CSMD1: variants seen among roughly 807,000 people sequenced by gnomAD.
The protein encoded by CSMD1 is CUB and sushi domain-containing protein 1.
CSMD1 carries 213 observed loss-of-function variants against 417.5 expected under a neutral mutation model. That is an observed-to-expected ratio of 0.51 (90% CI 0.46 to 0.57). The LOEUF (loss-of-function observed/expected upper bound fraction) is 0.57, where lower values mean the gene tolerates loss of function less well. Ranked by LOEUF, CSMD1 falls within the 20% of genes least tolerant of loss-of-function variation. CSMD1 has a pLI of 0.00. For missense variants in CSMD1, 6,923 were observed against 4,529.7 expected (o/e 1.53, Z -15.17); for synonymous variants, 2,862 against 1,736.8 (o/e 1.65, Z -16.11).
chr8:4,582,959 A>G (rs991524639), intron 2 of CSMD1, among the ~76,000 whole-genome samples: 2 of 152,198 alleles, frequency 1.3e-5, no homozygotes, highest in South Asian at 4.1e-4. Flanking sequence ...GCAATGAGGG[A>G]CATAGCACCC....
intron 2 of CSMD1, among the ~76,000 whole-genome samples, chr8:4,623,579 G>T (rs1801903076): frequency 6.6e-6 from 1 of 151,836 alleles, no homozygotes; most frequent in South Asian, 2.1e-4. Flanking sequence ...GGGTGAGGGG[G>T]GAACAAATGT....
intron 3 of CSMD1, among the ~76,000 whole-genome samples, chr8:4,252,829 A>G (rs1300397413): frequency 6.6e-6 from 1 of 152,200 alleles, no homozygotes; most frequent in Non-Finnish European, 1.5e-5. Flanking sequence ...TGCACCAGTG[A>G]TGACTGGAGT....
chr8:4,289,053 A>G (rs938769700), intron 3 of CSMD1, among the ~76,000 whole-genome samples: 1 of 152,186 alleles, frequency 6.6e-6, no homozygotes, highest in Non-Finnish European at 1.5e-5. Context: ...GAGCATAAAA[A>G]CAGTGCACAT....
intron 3 of CSMD1, among the ~76,000 whole-genome samples, chr8:4,299,410 G>C (rs112827538): frequency 9.7e-4 from 148 of 152,212 alleles, no homozygotes; most frequent in African/African-American, 3.4e-3. Flanking sequence ...ACATGAGAGA[G>C]GTGATTTTCA....
chr8:3,059,251 T>TA (rs1812431643), intron 49 of CSMD1, among the ~76,000 whole-genome samples: 1 of 98,892 alleles, frequency 1.0e-5, no homozygotes, highest in African/African-American at 3.6e-5. Context: ...ACCCCAGACA[T>TA]CAAAAAAAAA....
chr8:3,122,864 G>T (rs1817287340), intron 41 of CSMD1, among the ~76,000 whole-genome samples: 1 of 152,112 alleles, frequency 6.6e-6, no homozygotes, highest in African/African-American at 2.4e-5. Flanking sequence ...CCACCATACA[G>T]TAGCTACATT....
chr8:4,230,562 G>T (rs564566547), intron 3 of CSMD1, among the ~76,000 whole-genome samples: 1 of 152,170 alleles, frequency 6.6e-6, no homozygotes, highest in South Asian at 2.1e-4. Context: ...GGACAATAAA[G>T]TCCAATCATA....
intron 5 of CSMD1, among the ~76,000 whole-genome samples, chr8:3,874,243 G>A (rs922571703): frequency 6.6e-6 from 1 of 152,158 alleles, no homozygotes; most frequent in Admixed American, 6.5e-5. Context: ...AGGATGAAGA[G>A]CATGTTTATT....
At chr8:3,142,346 C>G in intron 41 of CSMD1, 119 bp downstream of exon 41, 1 of 909,504 alleles carries the variant, frequency 1.1e-6, no homozygotes, top group South Asian at 1.7e-5. Flanking sequence ...AACATTCCAC[C>G]AAAAAATTAT....
At chr8:4,062,769 A>G (rs908693640) in intron 3 of CSMD1, among the ~76,000 whole-genome samples, 4 of 152,092 alleles carry the variant, frequency 2.6e-5, no homozygotes, top group African/African-American at 7.2e-5. Flanking sequence ...CATGCTCAGT[A>G]AAATCTGATT....
At chr8:4,162,898 C>G (rs1267531360) in intron 3 of CSMD1, among the ~76,000 whole-genome samples, 5 of 152,118 alleles carry the variant, frequency 3.3e-5, no homozygotes, top group African/African-American at 4.8e-5. Context: ...TGTTGATTTC[C>G]CCTTCCTCCA....
intron 2 of CSMD1, among the ~76,000 whole-genome samples, chr8:4,627,481 T>A (rs1225477606): frequency 1.3e-5 from 2 of 152,192 alleles, no homozygotes; most frequent in African/African-American, 2.4e-5. Context: ...ATTTTACTGA[T>A]TCTTGACACT....
At chr8:4,978,275 G>C (rs1166426330) in intron 1 of CSMD1, among the ~76,000 whole-genome samples, 1 of 152,156 alleles carries the variant, frequency 6.6e-6, no homozygotes. Flanking sequence ...GCAGGTGGAG[G>C]TATAGCAGCT....
intron 7 of CSMD1, among the ~76,000 whole-genome samples, chr8:3,645,870 A>C (rs1479063039): frequency 6.6e-6 from 1 of 152,244 alleles, no homozygotes; most frequent in Non-Finnish European, 1.5e-5. Context: ...TTTTATATAC[A>C]TAGGGCAAAT....
At chr8:4,022,551 T>C (rs1796842071) in intron 4 of CSMD1, among the ~76,000 whole-genome samples, 2 of 152,112 alleles carry the variant, frequency 1.3e-5, no homozygotes, top group African/African-American at 2.4e-5. Flanking sequence ...GAAGGTGTCA[T>C]GAAACAGGGT....
chr8:4,737,760 G>C (rs889855572), intron 1 of CSMD1, among the ~76,000 whole-genome samples: 2 of 152,178 alleles, frequency 1.3e-5, no homozygotes, highest in Non-Finnish European at 2.9e-5. Context: ...CAATAGAAAG[G>C]CCAGAGAAGA....
At chr8:4,400,393 T>A (rs1159550616) in intron 3 of CSMD1, among the ~76,000 whole-genome samples, 1 of 152,256 alleles carries the variant, frequency 6.6e-6, no homozygotes, top group African/African-American at 2.4e-5. Flanking sequence ...CCATCCTGTG[T>A]TTGCCGTTCC....
At chr8:4,567,484 T>C (rs943960597) in intron 2 of CSMD1, among the ~76,000 whole-genome samples, 3 of 152,154 alleles carry the variant, frequency 2.0e-5, no homozygotes, top group Admixed American at 6.5e-5. Context: ...GCAATTCCAA[T>C]GTACTACTTC....
intron 44 of CSMD1, 33 bp downstream of exon 44, chr8:3,108,570 C>T: frequency 1.2e-6 from 2 of 1,609,098 alleles, no homozygotes; most frequent in South Asian, 1.1e-5. Flanking sequence ...ATGGAATTCT[C>T]AGTCTTAACT....
Sources: gnomAD v4.1 joint callset for allele counts (sites outside exome capture counted in the v4.1 genomes callset) on GRCh38, gnomAD v4.1.1 for gene constraint, MANE v1.5 for transcripts, NCBI Gene and HGNC (gene_info 2026-07-23, HGNC 2026-07-21) for gene names.